Variants in IFT88 observed in about 807,000 individuals in gnomAD.
IFT88 encodes intraflagellar transport protein 88 homolog.
A neutral mutation model predicts 119.5 loss-of-function variants in IFT88; 74 were observed. That is an observed-to-expected ratio of 0.62 (90% CI 0.51 to 0.75). The LOEUF is 0.75. Among genes scored for constraint, IFT88 ranks in the 30% least tolerant of loss-of-function variants. The probability of loss-of-function intolerance (pLI) is 0.00; values close to 1 mark genes in which losing one functional copy is unlikely to be tolerated. For synonymous variants in IFT88, 279 were observed against 316.7 expected (o/e 0.88, Z 1.26); for missense variants, 961 against 977.7 (o/e 0.98, Z 0.23).
At position 20,676,475 on chromosome 13, in the gene IFT88, C is replaced by T. The variant is rs75036636; in HGVS notation, c.2242+5436C>T. ...AGTGCATGGGCAGGGCCTGGAATAC[C>T]AGTGTCCACTGCACTGCCAGCGCCC... On this transcript the variant is annotated intron_variant, in intron 24 of 25. Coordinates refer to ENST00000351808, the MANE Select transcript of IFT88 (RefSeq NM_006531.5). Among the ~76,000 whole-genome samples the T allele has an allele frequency of 1.3e-3, 193 of 152,326 alleles. 1 individual carries two copies. The highest frequency in any genetic ancestry group is 2.3e-3 in the Non-Finnish European group (156 of 68,026).
chr13:20,683,388 A>C (rs1314337629), intron 24 of IFT88, among the ~76,000 whole-genome samples: 1 of 152,128 alleles, frequency 6.6e-6, no homozygotes, highest in Non-Finnish European at 1.5e-5. Context: ...CTTGTATCAT[A>C]TGCTGACTTT....
Position 20,638,347 on chromosome 13 carries a change from C to A in IFT88, c.1402C>A (p.Gln468Lys). 7.4e-7 allele frequency: 1 copy of A among 1,352,262 alleles called. No individual in the cohort carries two copies. The highest frequency in any genetic ancestry group is 9.6e-7 in the Non-Finnish European group (1 of 1,042,682). The allele number at this position is 1,352,262 out of a possible 1,614,324, so 83.8% of individuals were successfully genotyped here. Reference protein sequence around the residue: ...ALYYMGKDFAQASSYADIAVN... With the variant: ...ALYYMGKDFAKASSYADIAVN... ...TTTTACTTAGGGAAAGGATTTTGCA[C>A]AAGCCAGCAGCTATGCAGATATAGC... The change falls in exon 17 of 26, where the codon CAA becomes AAA. Residue 468 changes from glutamine (Q) to lysine (K), a missense_variant. By Grantham distance (53) the Gln-to-Lys change is moderately conservative (BLOSUM62 1). Transcript: ENST00000351808.
chr13:20,592,497 T>C, intron 7 of IFT88, 93 bp downstream of exon 7: 28 of 789,542 alleles, frequency 3.5e-5, no homozygotes, highest in Middle Eastern at 2.4e-4. Context: ...TGAGATGATA[T>C]CTCACTCTGT....
chr13:20,687,335 G>C (rs534573454), intron 24 of IFT88, among the ~76,000 whole-genome samples: 2 of 152,218 alleles, frequency 1.3e-5, no homozygotes, highest in Admixed American at 1.3e-4. Context: ...TTTGTGGGGC[G>C]AGCCAAACTG....
chr13:20,611,514 CAAAAAAAAAAAA>C (rs56062553), intron 13 of IFT88, among the ~76,000 whole-genome samples: 19 of 59,074 alleles, frequency 3.2e-4, no homozygotes, highest in Admixed American at 2.6e-3. Context: ...GACCCAGTCT[CAAAAAAAAAAAA>C]AAAAAAAAAA....
intron 24 of IFT88, among the ~76,000 whole-genome samples, chr13:20,678,421 G>A (rs1203150922): frequency 1.3e-5 from 2 of 152,190 alleles, no homozygotes; most frequent in Non-Finnish European, 2.9e-5. Context: ...GCTAAGCATT[G>A]CTTCTATAGA....
In IFT88 at chr13:20,574,411, C is replaced by A. The variant is rs1202887007; in HGVS notation, c.26C>A (p.Pro9Gln). Residue 9 changes from proline to glutamine, a missense_variant, in exon 2 of 26, where the codon CCA (proline) becomes CAA (glutamine). Pro to Gln is a moderately conservative substitution (Grantham distance 76). Transcript: ENST00000351808. MMQNVHLA[P>Q]ETDEDDLYSG... ...ATGATGCAAAATGTGCACCTGGCTCCAGAGACAGATGAAGATGATCTTTAT... is the reference window on the plus strand; with the variant it reads ...ATGATGCAAAATGTGCACCTGGCTCAAGAGACAGATGAAGATGATCTTTAT... The A allele has an allele frequency of 1.2e-6, 2 of 1,611,354 alleles. No homozygotes were observed. Among genetic ancestry groups the A allele is most frequent in the Admixed American group, 1.7e-5 (1 of 59,892 alleles).
intron 12 of IFT88, among the ~76,000 whole-genome samples, chr13:20,602,713 T>A (rs1381620033): frequency 6.6e-6 from 1 of 152,038 alleles, no homozygotes; most frequent in African/African-American, 2.4e-5. Context: ...CGAAATGCTG[T>A]CTCTACCGAA....
chr13:20,610,688 A>G (rs1433631650), intron 13 of IFT88, among the ~76,000 whole-genome samples: 3 of 152,190 alleles, frequency 2.0e-5, no homozygotes, highest in African/African-American at 7.2e-5. Flanking sequence ...CCAAAAAAAA[A>G]AAGAAGAAAA....
rs57789982 is a variant in IFT88, at chr13:20,640,571, AAAATAAAT to A, written c.1574-685_1574-678del. ...CTGGGCGACAGAGCGACTCCGTCTC[AAAATAAAT>A]AAATAAATAAATAAATAAATAAATA... On this transcript the variant is annotated intron_variant, in intron 17 of 25. Coordinates refer to ENST00000351808, the MANE Select transcript of IFT88 (RefSeq NM_006531.5). Among the ~76,000 whole-genome samples, 455 of 144,312 alleles carry A rather than the reference AAAATAAAT, an allele frequency of 3.2e-3. 1 individual carries two copies. The highest frequency in any genetic ancestry group is 0.011 in the East Asian group (53 of 4,976). 94.7% of individuals were successfully genotyped at this position (144,312 alleles called of 152,430 possible).
At chr13:20,588,674 T>C (rs896484868) in intron 3 of IFT88, among the ~76,000 whole-genome samples, 9 of 152,196 alleles carry the variant, frequency 5.9e-5, no homozygotes, top group Admixed American at 2.6e-4. Flanking sequence ...AGGGCAGATA[T>C]AGAACTTTTA....
intron 22 of IFT88, among the ~76,000 whole-genome samples, chr13:20,660,597 G>A (rs2053626327): frequency 1.3e-5 from 2 of 152,202 alleles, no homozygotes; most frequent in South Asian, 4.1e-4. Context: ...TAATGATTTA[G>A]CAGTGGAGGT....
At chr13:20,648,476 C>G (rs1427235767) in intron 20 of IFT88, among the ~76,000 whole-genome samples, 2 of 151,842 alleles carry the variant, frequency 1.3e-5, no homozygotes, top group Non-Finnish European at 2.9e-5. Context: ...TTATAATACC[C>G]AAGGTAATCA....
At chr13:20,595,577 A>G (rs898091655) in intron 7 of IFT88, among the ~76,000 whole-genome samples, 4 of 152,102 alleles carry the variant, frequency 2.6e-5, no homozygotes, top group African/African-American at 9.7e-5. Context: ...GGCAGGAGCC[A>G]CCACGCCTGG....
At chr13:20,623,565 C>T (rs1272690871) in intron 14 of IFT88, among the ~76,000 whole-genome samples, 1 of 152,100 alleles carries the variant, frequency 6.6e-6, no homozygotes, top group Admixed American at 6.5e-5. Context: ...AGCTCCGCCT[C>T]CCGGGTTCAC....
At chr13:20,641,052 TG>T (rs1456809063) in intron 17 of IFT88, among the ~76,000 whole-genome samples, 1 of 152,046 alleles carries the variant, frequency 6.6e-6, no homozygotes, top group Non-Finnish European at 1.5e-5. Flanking sequence ...GAGGCTGAGG[TG>T]GGAGAATCAC....
At chr13:20,668,208 G>C (rs1234955443) in intron 23 of IFT88, among the ~76,000 whole-genome samples, 1 of 152,166 alleles carries the variant, frequency 6.6e-6, no homozygotes, top group African/African-American at 2.4e-5. Flanking sequence ...GTTGCCTGGT[G>C]GGATTGCTGT....
chr13:20,677,377 C>G (rs538735216), intron 24 of IFT88, among the ~76,000 whole-genome samples: 4 of 151,388 alleles, frequency 2.6e-5, no homozygotes, highest in African/African-American at 9.7e-5. Context: ...AAGGCTAGGT[C>G]CAAGCAATGG....
At position 20,596,257 on chromosome 13, in the gene IFT88, G is replaced by C. The variant is rs1423560461; in HGVS notation, c.489+17G>C. The stretch of plus-strand genomic sequence containing the variant: ...TTAAAATTGGTAAGTTCATAAACAA[G>C]ATTCAAAATTATGAAGCATTTATAG... On this transcript the variant is annotated intron_variant, in intron 8 of 25. Transcript: ENST00000351808. The C allele has an allele frequency of 1.6e-6, 2 of 1,218,972 alleles. No individual in the cohort carries two copies. Among genetic ancestry groups the C allele is most frequent in the Admixed American group, 1.9e-5 (1 of 52,072 alleles). 75.5% of individuals were successfully genotyped at this position (1,218,972 alleles called of 1,614,324 possible). A position where few individuals can be genotyped will look rare whatever the true frequency, so the allele number is the denominator to read the frequency against.
Sources: allele counts gnomAD v4.1 joint callset (sites outside exome capture counted in the v4.1 genomes callset), GRCh38; gene constraint gnomAD v4.1.1; transcripts MANE v1.5; gene names NCBI Gene and HGNC (gene_info 2026-07-23, HGNC 2026-07-21).